The following F8 variants were observed in gnomAD, a reference collection of about 807,000 sequenced individuals.
F8 encodes coagulation factor VIII.
A neutral mutation model predicts 140.6 loss-of-function variants in F8; 12 were observed. The ratio of observed to expected loss-of-function variants is 0.09; its 90% CI spans 0.05 to 0.14. The LOEUF is 0.14. Among genes scored for constraint, F8 ranks in the 10% least tolerant of loss-of-function variants. F8 has a pLI of 1.00. For missense variants in F8, 1,354 were observed against 1,720.7 expected (o/e 0.79, Z 3.77); for synonymous variants, 585 against 614.6 (o/e 0.95, Z 0.71).
At chrX:155,016,643 T>C (rs193006192) in intron 1 of F8, among the ~76,000 whole-genome samples, 48 of 112,673 alleles carry the variant, frequency 4.3e-4, no homozygotes, top group Non-Finnish European at 3.8e-4. Context: ...AAAAAAGCCA[T>C]AGAAGAATAC....
intron 22 of F8, among the ~76,000 whole-genome samples, chrX:154,894,236 C>A (rs782266079): frequency 4.9e-5 from 5 of 101,642 alleles, no homozygotes; most frequent in African/African-American, 1.8e-4. Context: ...TTCTCAGGAC[C>A]TCCTGAGGGC....
At chrX:154,881,599 G>C (rs2072861416) in intron 22 of F8, among the ~76,000 whole-genome samples, 3 of 110,271 alleles carry the variant, frequency 2.7e-5, no homozygotes, top group Non-Finnish European at 5.7e-5. Context: ...CGGGGGCGGG[G>C]GAGGGGGCTC....
chrX:154,952,744 A>G (rs1422605849), intron 12 of F8, among the ~76,000 whole-genome samples: 3 of 109,884 alleles, frequency 2.7e-5, no homozygotes, highest in Non-Finnish European at 3.8e-5. Flanking sequence ...GGGTTTCACT[A>G]TGTTAGCCAG....
rs782389530 is a variant in F8 at position 154,904,104 on chromosome X, G to C, written c.5816-16C>G. The stretch of plus-strand genomic sequence containing the variant: ...CCATTGATTGCTGGAGAAGGACACA[G>C]AGAAGCCTGTTAAAATCTATTATAT... On this transcript the variant is annotated splice_polypyrimidine_tract_variant and intron_variant, in intron 17 of 25. Transcript: ENST00000360256. 13 of 1,206,832 alleles carry C rather than the reference G, an allele frequency of 1.1e-5. No homozygotes were observed. In the African/African-American group the frequency reaches 1.4e-4, roughly 13 times the overall value.
At chrX:154,993,279 G>A in intron 3 of F8, 131 bp from the exon 4 acceptor site, 1 of 578,063 alleles carries the variant, frequency 1.7e-6, no homozygotes, top group Non-Finnish European at 2.7e-6. Flanking sequence ...TGTTGTTGTT[G>A]TTGTTTTGAG....
At chrX:154,909,868 G>A (rs1395731232) in intron 14 of F8, among the ~76,000 whole-genome samples, 1 of 112,618 alleles carries the variant, frequency 8.9e-6, no homozygotes, top group Non-Finnish European at 1.9e-5. Flanking sequence ...AACATTCCCA[G>A]TCTTCTCTTC....
At chrX:154,968,695 C>A (rs2073438258) in intron 7 of F8, among the ~76,000 whole-genome samples, 1 of 111,387 alleles carries the variant, frequency 9.0e-6, no homozygotes, top group African/African-American at 3.3e-5. Flanking sequence ...AAGTTCCCAC[C>A]AAATAGTCCT....
chrX:154,845,092 G>A (rs1237599540), intron 25 of F8, among the ~76,000 whole-genome samples: 16 of 111,847 alleles, frequency 1.4e-4, no homozygotes, highest in African/African-American at 2.9e-4. Flanking sequence ...GCTGGATTAC[G>A]TTTATTGATT....
intron 14 of F8, among the ~76,000 whole-genome samples, chrX:154,915,344 C>T (rs1323642201): frequency 9.8e-5 from 11 of 111,911 alleles, no homozygotes; most frequent in African/African-American, 3.6e-4. Flanking sequence ...TTTAAGACTG[C>T]TTTTTCTATT....
At chrX:155,006,276 G>A (rs1395617655) in intron 1 of F8, among the ~76,000 whole-genome samples, 2 of 84,084 alleles carry the variant, frequency 2.4e-5, no homozygotes, top group Non-Finnish European at 4.6e-5. Context: ...AGTGCTTTCC[G>A]TGAAAAGGGT....
At chrX:154,975,502 T>C (rs2073480453) in intron 6 of F8, among the ~76,000 whole-genome samples, 1 of 112,434 alleles carries the variant, frequency 8.9e-6, no homozygotes. Context: ...CTGGAGAATG[T>C]TCCATGTGCA....
intron 25 of F8, among the ~76,000 whole-genome samples, chrX:154,843,093 G>C (rs1325718880): frequency 9.0e-6 from 1 of 111,622 alleles, no homozygotes; most frequent in Non-Finnish European, 1.9e-5. Context: ...ATGGTTTCCA[G>C]CTTCATCCAT....
chrX:154,955,165 CTTTTTTT>C (rs1185466045), intron 11 of F8, among the ~76,000 whole-genome samples: 11 of 36,079 alleles, frequency 3.0e-4, no homozygotes, highest in South Asian at 1.7e-3. Flanking sequence ...ATTTATTAAG[CTTTTTTT>C]TTTTTTTTTT....
chrX:154,839,449 G>A (rs1557271192), intron 25 of F8, among the ~76,000 whole-genome samples: 3 of 105,615 alleles, frequency 2.8e-5, no homozygotes, highest in African/African-American at 7.0e-5. Context: ...TGCAAGCTCC[G>A]CCTCCCGGGT....
At chrX:154,923,844 T>C (rs1003067957) in intron 14 of F8, among the ~76,000 whole-genome samples, 10 of 111,608 alleles carry the variant, frequency 9.0e-5, no homozygotes, top group Non-Finnish European at 1.7e-4. Flanking sequence ...TGGTGGCACA[T>C]GCCTGTAGTA....
intron 6 of F8, among the ~76,000 whole-genome samples, chrX:154,983,063 A>G (rs782449181): frequency 1.8e-5 from 2 of 112,162 alleles, no homozygotes; most frequent in East Asian, 5.6e-4. Flanking sequence ...CCCAACCCCC[A>G]CATTGTTCAA....
rs782582148 is a variant in F8 at position 154,835,819 on chromosome X, T to C, written c.*1778A>G. The C allele has an allele frequency of 1.8e-5, 2 of 112,476 alleles. No individual in the cohort carries two copies. The highest frequency in any genetic ancestry group is 1.9e-4 in the Admixed American group (2 of 10,623). 9.3% of individuals were successfully genotyped at this position (112,476 alleles called of 1,213,427 possible). ...TGTATGTGTCAATGTTTTATTTAAC[T>C]CATTACTGAAGAAACCAGCAGGAAA... On this transcript the variant is annotated 3_prime_UTR_variant, in exon 26 of 26. Transcript: ENST00000360256.
intron 6 of F8, among the ~76,000 whole-genome samples, chrX:154,976,377 T>A (rs900356188): frequency 1.2e-4 from 13 of 110,989 alleles, no homozygotes; most frequent in African/African-American, 2.9e-4. Flanking sequence ...GATCTTTTTT[T>A]AAAAAAAAAT....
intron 25 of F8, among the ~76,000 whole-genome samples, chrX:154,847,613 G>A (rs1273682751): frequency 1.8e-5 from 2 of 111,809 alleles, no homozygotes; most frequent in African/African-American, 3.3e-5. Context: ...CATAGTTCTC[G>A]TGCCATGGTT....
Sources: gnomAD v4.1 joint callset for allele counts (sites outside exome capture counted in the v4.1 genomes callset) on GRCh38, gnomAD v4.1.1 for gene constraint, MANE v1.5 for transcripts, NCBI Gene and HGNC (gene_info 2026-07-23, HGNC 2026-07-21) for gene names.